The following SPOCK3 variants were observed in gnomAD, a reference collection of about 807,000 sequenced individuals.
SPOCK3 encodes the protein SPARC (osteonectin), cwcv and kazal like domains proteoglycan 3, also known as testican-3.
SPOCK3 carries 30 observed loss-of-function variants against 56.6 expected under a neutral mutation model. That is an observed-to-expected ratio of 0.53 (90% CI 0.40 to 0.72). The LOEUF (loss-of-function observed/expected upper bound fraction) is 0.72. SPOCK3 is among the 30% of genes least tolerant of loss of function. The pLI is 0.00. For synonymous variants in SPOCK3, 196 were observed against 183.3 expected (o/e 1.07, Z -0.56); for missense variants, 527 against 530.0 (o/e 0.99, Z 0.06).
intron 2 of SPOCK3, among the ~76,000 whole-genome samples, chr4:167,135,673 T>C (rs1231076071): frequency 8.6e-6 from 1 of 115,682 alleles, no homozygotes; most frequent in Non-Finnish European, 1.7e-5. Flanking sequence ...TATTGTCCTA[T>C]ATAAAACGTG....
At chr4:167,209,441 A>G (rs1734655192) in intron 2 of SPOCK3, among the ~76,000 whole-genome samples, 1 of 152,144 alleles carries the variant, frequency 6.6e-6, no homozygotes, top group South Asian at 2.1e-4. Context: ...CACAATGCTA[A>G]CACTGAAGAA....
chr4:167,234,510 A>G (rs1308585257), upstream of SPOCK3: 6 of 313,058 alleles, frequency 1.9e-5, no homozygotes, highest in Non-Finnish European at 3.0e-5. Flanking sequence ...TGCTCTGCCA[A>G]CTCGCTGCTT....
intron 8 of SPOCK3, among the ~76,000 whole-genome samples, chr4:166,751,541 C>A (rs547951100): frequency 5.9e-5 from 9 of 152,206 alleles, no homozygotes; most frequent in African/African-American, 2.2e-4. Flanking sequence ...TATTCATGTA[C>A]TCATTTCATA....
chr4:166,911,473 T>G (rs570748945), intron 5 of SPOCK3, among the ~76,000 whole-genome samples: 2 of 152,322 alleles, frequency 1.3e-5, no homozygotes, highest in African/African-American at 2.4e-5. Flanking sequence ...TTTATAGATT[T>G]AATGTATACT....
At chr4:167,231,274 A>C (rs1737153799) in intron 2 of SPOCK3, among the ~76,000 whole-genome samples, 2 of 152,150 alleles carry the variant, frequency 1.3e-5, no homozygotes, top group African/African-American at 4.8e-5. Context: ...TTAAGGAGTC[A>C]CTTGTTAAAC....
chr4:166,815,252 G>A (rs1004894490), intron 6 of SPOCK3, among the ~76,000 whole-genome samples: 16 of 143,366 alleles, frequency 1.1e-4, no homozygotes, highest in African/African-American at 3.9e-4. Flanking sequence ...TGATGATACT[G>A]TGCCCATCAA....
intron 7 of SPOCK3, among the ~76,000 whole-genome samples, chr4:166,769,420 C>G (rs1014925082): frequency 1.3e-5 from 2 of 152,198 alleles, no homozygotes; most frequent in African/African-American, 4.8e-5. Flanking sequence ...GAACCCTCAG[C>G]TGCAGGTATG....
intron 7 of SPOCK3, among the ~76,000 whole-genome samples, chr4:166,790,134 T>G (rs1741177074): frequency 6.6e-6 from 1 of 152,172 alleles, no homozygotes; most frequent in Non-Finnish European, 1.5e-5. Context: ...ATTTAGTGAA[T>G]AGTATATGTC....
chr4:166,744,166 C>A lies in SPOCK3; in HGVS notation c.932-2107G>T, dbSNP rs563596793. Among the ~76,000 whole-genome samples, 97 of 152,332 alleles carry A rather than the reference C, an allele frequency of 6.4e-4. No homozygotes were observed. In the South Asian group the frequency reaches 7.5e-3, roughly 12 times the overall value. On this transcript the variant is annotated intron_variant, in intron 8 of 10. Transcript: ENST00000357545. Reference sequence around the variant, plus strand: ...AAACAGACTGCCTCCTCAAGTGGGTCCCTGACCCCCGAGTAGCCTAACTGG... The same window carrying A: ...AAACAGACTGCCTCCTCAAGTGGGTACCTGACCCCCGAGTAGCCTAACTGG...
At chr4:166,772,495 T>C (rs1579184224) in intron 7 of SPOCK3, among the ~76,000 whole-genome samples, 1 of 152,128 alleles carries the variant, frequency 6.6e-6, no homozygotes, top group Admixed American at 6.6e-5. Flanking sequence ...AAATTGCATA[T>C]GAAATATTAT....
chr4:166,839,327 G>A (rs1323246058), intron 6 of SPOCK3, among the ~76,000 whole-genome samples: 2 of 152,062 alleles, frequency 1.3e-5, no homozygotes. Flanking sequence ...CACTCATATG[G>A]AATGTCTCAT....
chr4:167,061,381 A>G (rs1267355915), intron 3 of SPOCK3, among the ~76,000 whole-genome samples: 1 of 152,006 alleles, frequency 6.6e-6, no homozygotes, highest in East Asian at 1.9e-4. Flanking sequence ...TTCTTTTAGA[A>G]TTTTAAAATG....
intron 2 of SPOCK3, among the ~76,000 whole-genome samples, chr4:167,063,244 T>C (rs1449258563): frequency 2.0e-5 from 3 of 151,998 alleles, no homozygotes; most frequent in African/African-American, 7.2e-5. Context: ...CAACGTATAC[T>C]GAAAAGAATT....
chr4:166,742,760 CTT>C (rs1206107600), intron 8 of SPOCK3, among the ~76,000 whole-genome samples: 1 of 152,048 alleles, frequency 6.6e-6, no homozygotes, highest in Non-Finnish European at 1.5e-5. Flanking sequence ...TGGAAATAGT[CTT>C]TGCCTATTTT....
intron 2 of SPOCK3, among the ~76,000 whole-genome samples, chr4:167,117,361 C>T (rs913072944): frequency 2.6e-5 from 4 of 152,044 alleles, no homozygotes; most frequent in Non-Finnish European, 5.9e-5. Context: ...CAATTCTTTT[C>T]CACAGGACCT....
chr4:167,159,623 T>C (rs1185704331), intron 2 of SPOCK3, among the ~76,000 whole-genome samples: 1 of 152,092 alleles, frequency 6.6e-6, no homozygotes, highest in African/African-American at 2.4e-5. Flanking sequence ...CTGATGAACA[T>C]TGATGCAAAA....
At chr4:167,050,056 C>A (rs778444501) in intron 3 of SPOCK3, among the ~76,000 whole-genome samples, 53 of 152,252 alleles carry the variant, frequency 3.5e-4, no homozygotes, top group Admixed American at 3.3e-3. Context: ...CTATAAAATA[C>A]TTGACATATA....
intron 2 of SPOCK3, 21 bp from the exon 3 acceptor site, chr4:167,062,558 A>T (rs1206315937): frequency 1.3e-6 from 2 of 1,585,086 alleles, no homozygotes; most frequent in Non-Finnish European, 1.7e-6. Context: ...AAATAATGTG[A>T]ATTGAGTGTA....
chr4:167,059,388 A>G (rs1356358549), intron 3 of SPOCK3, among the ~76,000 whole-genome samples: 1 of 152,122 alleles, frequency 6.6e-6, no homozygotes, highest in Non-Finnish European at 1.5e-5. Flanking sequence ...GCAGCCAAAA[A>G]ACACATGAAA....
Sources: allele counts gnomAD v4.1 joint callset (sites outside exome capture counted in the v4.1 genomes callset), GRCh38; gene constraint gnomAD v4.1.1; transcripts MANE v1.5; gene names NCBI Gene and HGNC (gene_info 2026-07-23, HGNC 2026-07-21).